The following HLA-DOA variants were observed in gnomAD, a reference collection of about 807,000 sequenced individuals.
The protein encoded by HLA-DOA is major histocompatibility complex, class II, DO alpha.
A neutral mutation model predicts 22.9 loss-of-function variants in HLA-DOA; 27 were observed. The ratio of observed to expected loss-of-function variants is 1.18; its 90% CI spans 0.87 to 1.62. HLA-DOA has a LOEUF of 1.62. Among genes scored for constraint, HLA-DOA ranks in the 40% most tolerant of loss-of-function variants. HLA-DOA has a pLI of 0.00. For synonymous variants in HLA-DOA, 137 were observed against 138.6 expected, an observed-to-expected ratio of 0.99 and a Z score of 0.08; for missense variants, 324 against 332.4, an observed-to-expected ratio of 0.97 and a Z score of 0.20.
In HLA-DOA at chr6:33,008,008, G is replaced by A. The variant is rs919388193; in HGVS notation, c.331+5C>T. ...TGACTGGGTGGGCAGAGGGAGGGCC[G>A]GTACCGTTGATGGCTCTGCTGCGGT... On this transcript the variant is annotated splice_donor_5th_base_variant and intron_variant, in intron 2 of 4. Coordinates refer to ENST00000229829, the MANE Select transcript of HLA-DOA (RefSeq NM_002119.4). The A allele has an allele frequency of 2.1e-5, 33 of 1,609,416 alleles. No homozygotes were observed. The South Asian group carries it at 2.1e-4, about 10-fold the overall frequency.
intron 1 of HLA-DOA, among the ~76,000 whole-genome samples, chr6:33,008,762 G>A (rs1478575909): frequency 6.6e-6 from 1 of 152,166 alleles, no homozygotes; most frequent in Non-Finnish European, 1.5e-5. Flanking sequence ...GGGATAGGGA[G>A]AGGCAACTCA....
At chr6:33,008,511 G>T in intron 1 of HLA-DOA, 1 of 1,022,142 alleles carries the variant, frequency 9.8e-7, no homozygotes, top group Non-Finnish European at 1.3e-6. Context: ...GGAAGAGGAG[G>T]GACTGCCTAA....
chr6:33,009,506 ACCCCAGGACCAGC>A lies in HLA-DOA; in HGVS notation c.18_30del (p.Leu7SerfsTer4), dbSNP rs1269448903. On this transcript the variant is annotated frameshift_variant, in exon 1 of 5. Coordinates refer to ENST00000229829, the MANE Select transcript of HLA-DOA (RefSeq NM_002119.4). LOFTEE classifies it high-confidence loss of function. The surrounding 1 kb of genome is among the most constrained non-coding windows in gnomAD (Gnocchi z 4.8). ...CTCAGGAGGGTCATCAGGGTGTGGA[ACCCCAGGACCAGC>A]CCTGCTCTGAGGGCCATTACACTCT... 8.1e-6 allele frequency: 13 copies of A among 1,606,894 alleles called. No individual in the cohort carries two copies. The African/African-American group carries it at 1.2e-4, about 15-fold the overall frequency.
chr6:33,008,176 C>T lies in HLA-DOA; in HGVS notation c.168G>A (p.Gln56=). ...GQFTHEFDEE[Q]LFSVDLKKSE... ...TTTTCTTCAGGTCCACAGAGAACAG[C>T]TGTTCCTCATCAAATTCATGGGTGA... The change falls in exon 2 of 5, where the codon CAG becomes CAA. Residue 56 remains glutamine (Q), a synonymous_variant. Transcript: ENST00000229829. 6.2e-7 allele frequency: 1 copy of T among 1,613,096 alleles called. No homozygotes were observed.
rs1472901316 is a variant in HLA-DOA at position 33,007,353 on chromosome 6, C to A, written c.571G>T (p.Val191Leu). 1 of 1,610,518 alleles carries A rather than the reference C, an allele frequency of 6.2e-7. No individual in the cohort carries two copies. Among genetic ancestry groups the A allele is most frequent in the Admixed American group, 1.7e-5 (1 of 59,882 alleles). Reference protein sequence around the residue: ...PSAEDVYDCQVEHWGLDAPLL... With the variant: ...PSAEDVYDCQLEHWGLDAPLL... ...GGCGCATCCAGGCCCCAGTGCTCCACCTGGCAGTCATAGACGTCCTCGGCT... is the reference window on the plus strand; with the variant it reads ...GGCGCATCCAGGCCCCAGTGCTCCAACTGGCAGTCATAGACGTCCTCGGCT... Residue 191 changes from valine (V) to leucine (L), a missense_variant, in exon 3 of 5, where the codon GTG becomes TTG. Physicochemically the swap from Val to Leu is conservative, Grantham distance 32. Coordinates refer to ENST00000229829, the MANE Select transcript of HLA-DOA (RefSeq NM_002119.4).
chr6:33,008,409 G>A lies in HLA-DOA; in HGVS notation c.83-148C>T. The A allele has an allele frequency of 1.8e-5, 26 of 1,456,568 alleles. 1 individual carries two copies. The highest frequency in any genetic ancestry group is 2.3e-5 in the Non-Finnish European group (26 of 1,110,884). The allele number at this position is 1,456,568 out of a possible 1,614,324, so 90.2% of individuals were successfully genotyped here. ...TGTTCTGACACTGGGCTGGCCCTGG[G>A]AGAGAGAAAGGGAGAGAGAACAGGA... On this transcript the variant is annotated intron_variant, in intron 1 of 4. Transcript: ENST00000229829.
At chr6:33,006,890 T>TG in intron 4 of HLA-DOA, 49 bp from the exon 5 acceptor site, 1 of 1,530,306 alleles carries the variant, frequency 6.5e-7, no homozygotes, top group Non-Finnish European at 9.1e-7. Flanking sequence ...TTCAATATGC[T>TG]GGGATCCTAT....
In HLA-DOA at chr6:33,008,083, G is replaced by A. The variant is rs762411367; in HGVS notation, c.261C>T (p.Ala87=). The change falls in exon 2 of 5, where the codon GCC becomes GCT. Residue 87 remains alanine (A), a synonymous_variant. Coordinates refer to ENST00000229829, the MANE Select transcript of HLA-DOA (RefSeq NM_002119.4). Reference sequence around the variant, plus strand: ...GATGGGCTTTGATTGCGGCGATGCCGGCCAGCCCGCCCTGCGGGTCAAAGC... The same window carrying A: ...GATGGGCTTTGATTGCGGCGATGCCAGCCAGCCCGCCCTGCGGGTCAAAGC... ...FARFDPQGGL[A]GIAAIKAHLD... is the part of the protein sequence containing the mutation. 1.9e-6 allele frequency: 3 copies of A among 1,613,056 alleles called. No individual in the cohort carries two copies. Among genetic ancestry groups the A allele is most frequent in the South Asian group, 1.1e-5 (1 of 91,084 alleles).
At chr6:33,007,655 G>C (rs766573296) in intron 2 of HLA-DOA, 63 bp from the exon 3 acceptor site, 1 of 1,531,404 alleles carries the variant, frequency 6.5e-7, no homozygotes, top group Non-Finnish European at 8.8e-7. Context: ...ACTAGGACTG[G>C]GATTAAGGGA....
chr6:33,007,730 G>C (rs1780883540), intron 2 of HLA-DOA, 138 bp from the exon 3 acceptor site: 2 of 1,011,994 alleles, frequency 2.0e-6, no homozygotes. Flanking sequence ...GGCAGGAGAG[G>C]AGGAAAACAG....
rs1780802768 is a variant in HLA-DOA, at chr6:33,006,192, TG to T, written c.*645del. 7.1e-6 allele frequency: 1 copy of T among 140,244 alleles called. No individual in the cohort carries two copies. Among genetic ancestry groups the T allele is most frequent in the Non-Finnish European group, 1.6e-5 (1 of 63,130 alleles). 8.7% of individuals were successfully genotyped at this position (140,244 alleles called of 1,614,324 possible). On this transcript the variant is annotated 3_prime_UTR_variant, in exon 5 of 5. Transcript: ENST00000229829. ...CCAAGCCTTGGGCCTCTCTTTATCA[TG>T]CATGGGACTCTAGGGAAAAGTAGAA...
In HLA-DOA at chr6:33,007,993, G is replaced by A; in HGVS notation, c.331+20C>T. ...CTGGACCTTCCCGCCTGACTGGGTG[G>A]GCAGAGGGAGGGCCGGTACCGTTGA... On this transcript the variant is annotated intron_variant, in intron 2 of 4. Coordinates refer to ENST00000229829, the MANE Select transcript of HLA-DOA (RefSeq NM_002119.4). 2 of 1,602,464 alleles carry A rather than the reference G, an allele frequency of 1.2e-6. No homozygotes were observed. Among genetic ancestry groups the A allele is most frequent in the Non-Finnish European group, 1.7e-6 (2 of 1,172,860 alleles).
At position 33,006,759 on chromosome 6, in the gene HLA-DOA, A is replaced by G; in HGVS notation, c.*79T>C. ...GCACAGCGGGATGCACTTAAAGGGCACTGAGCACGCAGGGGCTGTCACAAA... is the reference window on the plus strand; with the variant it reads ...GCACAGCGGGATGCACTTAAAGGGCGCTGAGCACGCAGGGGCTGTCACAAA... On this transcript the variant is annotated 3_prime_UTR_variant, in exon 5 of 5. Transcript: ENST00000229829. 1 of 1,612,390 alleles carries G rather than the reference A, an allele frequency of 6.2e-7. No individual in the cohort carries two copies. Among genetic ancestry groups the G allele is most frequent in the Non-Finnish European group, 8.5e-7 (1 of 1,179,404 alleles).
Position 33,005,909 on chromosome 6 carries a change from G to A in HLA-DOA, c.*929C>T, listed in dbSNP as rs1440868683. ...GCCTGTACTTTTAAAAGGATCCCAA[G>A]CAGTTCTTATGTGCATTCTGGTTTG... On this transcript the variant is annotated 3_prime_UTR_variant, in exon 5 of 5. Transcript: ENST00000229829. 1 of 152,246 alleles carries A rather than the reference G, an allele frequency of 6.6e-6. No individual in the cohort carries two copies. Among genetic ancestry groups the A allele is most frequent in the Non-Finnish European group, 1.5e-5 (1 of 68,088 alleles). The allele number at this position is 152,246 out of a possible 1,614,324, so 9.4% of individuals were successfully genotyped here.
At position 33,007,386 on chromosome 6, in the gene HLA-DOA, C is replaced by T. The variant is rs142562508; in HGVS notation, c.538G>A (p.Val180Met). The T allele has an allele frequency of 1.2e-4, 187 of 1,604,838 alleles. No homozygotes were observed. The African/African-American group carries it at 1.8e-3, about 16-fold the overall frequency. ...TCATAGACGTCCTCGGCTGAGGGCA[C>T]GAAGGGCAGGTAGTGGAACTTGCGG... ...LFRKFHYLPFVPSAEDVYDCQ... is the reference protein window; with the variant it reads ...LFRKFHYLPFMPSAEDVYDCQ... The change falls in exon 3 of 5, where the codon GTG becomes ATG. Residue 180 changes from valine to methionine, a missense_variant. Transcript: ENST00000229829.
rs378352 is a variant in HLA-DOA, at chr6:33,007,157, G to A, written c.672C>T (p.Gly224=). Residue 224 remains glycine (G), a synonymous_variant, in exon 4 of 5, where the codon GGC becomes GGT. Coordinates refer to ENST00000229829, the MANE Select transcript of HLA-DOA (RefSeq NM_002119.4). ...DAMETLVCAL[G]LAIGLVGFLV... ...GGAAGCCCACCAGGCCGATGGCCAG[G>A]CCCAGGGCACAGACCAGGGTCTCCA... 0.21 allele frequency: 331,487 copies of A among 1,613,678 alleles called. 36,516 individuals are homozygous for A. The highest frequency in any genetic ancestry group is 0.33 in the East Asian group (14,843 of 44,860).
rs1356083980 is a variant in HLA-DOA, at chr6:33,008,444, C to T, written c.83-183G>A. 9 of 1,414,968 alleles carry T rather than the reference C, an allele frequency of 6.4e-6. No homozygotes were observed. The Admixed American group carries it at 1.7e-4, about 27-fold the overall frequency. The allele number at this position is 1,414,968 out of a possible 1,614,324, so 87.7% of individuals were successfully genotyped here. A position where few individuals can be genotyped will look rare whatever the true frequency, so the allele number is the denominator to read the frequency against. Reference sequence around the variant, plus strand: ...GGGAGAGAGAACAGGAAGAAAGAGGCTCATCCCAGCACACTGCAGTCGGCA... The same window carrying T: ...GGGAGAGAGAACAGGAAGAAAGAGGTTCATCCCAGCACACTGCAGTCGGCA... On this transcript the variant is annotated intron_variant, in intron 1 of 4. Transcript: ENST00000229829.
rs764826433 is a variant in HLA-DOA at position 33,006,848 on chromosome 6, T to C, written c.750-7A>G. 2 of 1,608,326 alleles carry C rather than the reference T, an allele frequency of 1.2e-6. No individual in the cohort carries two copies. Among genetic ancestry groups the C allele is most frequent in the South Asian group, 1.1e-5 (1 of 91,006 alleles). ...CTCTCAGAAGGATCATTACCTAAAA[T>C]AGCAGAAAACATACGATCGAGGTTG... On this transcript the variant is annotated splice_polypyrimidine_tract_variant and splice_region_variant and intron_variant, in intron 4 of 4. Transcript: ENST00000229829.
intron 2 of HLA-DOA, 200 bp downstream of exon 2, chr6:33,007,813 C>T (rs980242896): frequency 1.9e-5 from 16 of 848,110 alleles, no homozygotes; most frequent in Admixed American, 5.9e-5. Flanking sequence ...GGCGGGAGTC[C>T]GGGTGAGAGG....
Sources: gnomAD v4.1 joint callset for allele counts (sites outside exome capture counted in the v4.1 genomes callset) on GRCh38, gnomAD v4.1.1 for gene constraint, Gnocchi (gnomAD v3.1) non-coding constraint, MANE v1.5 for transcripts, NCBI Gene and HGNC (gene_info 2026-07-23, HGNC 2026-07-21) for gene names.